Variants in MGA observed in about 807,000 individuals in gnomAD.
MGA encodes MAX gene-associated protein.
A neutral mutation model predicts 261.1 loss-of-function variants in MGA; 40 were observed. The observed-to-expected ratio is 0.15, with a 90% CI of 0.12 to 0.20. The LOEUF is 0.20. Ranked by LOEUF, MGA falls within the 10% of genes least tolerant of loss-of-function variation. MGA has a pLI of 1.00. For synonymous variants in MGA, 1,302 were observed against 1,290.6 expected (o/e 1.01, Z -0.19); for missense variants, 3,397 against 3,630.5 (o/e 0.94, Z 1.65).
Position 41,736,478 on chromosome 15 carries a change from A to G in MGA, c.4214A>G (p.Gln1405Arg), listed in dbSNP as rs756456538. ...ATCTCTATGCCATCATGTCAAGACC[A>G]AGATGATATGGCTGAGAAATCTGGA... The change falls in exon 13 of 24, where the codon CAA (glutamine) becomes CGA (arginine). Residue 1405 changes from glutamine to arginine, a missense_variant. Around this residue, in one of 9 missense-constraint regions of MGA, gnomAD observed 1,410 missense variants for 1,386.4 expected, o/e 1.02. Transcript: ENST00000219905. The G allele has an allele frequency of 3.1e-6, 5 of 1,614,032 alleles. No individual in the cohort carries two copies. Among genetic ancestry groups the G allele is most frequent in the Non-Finnish European group, 4.2e-6 (5 of 1,179,890 alleles).
At chr15:41,662,747 G>GA (rs1427632755) in intron 1 of MGA, among the ~76,000 whole-genome samples, 18 of 152,124 alleles carry the variant, frequency 1.2e-4, no homozygotes, top group Non-Finnish European at 2.5e-4. Context: ...AAATCTGAGT[G>GA]AACCTGTTCT....
chr15:41,731,017 A>G (rs971327766), intron 11 of MGA, among the ~76,000 whole-genome samples: 1 of 152,234 alleles, frequency 6.6e-6, no homozygotes, highest in South Asian at 2.1e-4. Flanking sequence ...AACAAAGGAC[A>G]TCCAACCAAT....
At chr15:41,649,869 C>T (rs537946691) in intron 1 of MGA, among the ~76,000 whole-genome samples, 5 of 152,188 alleles carry the variant, frequency 3.3e-5, no homozygotes, top group Non-Finnish European at 7.4e-5. Flanking sequence ...TTAGTAGAGA[C>T]GGGGTTTCGC....
At chr15:41,741,302 G>C (rs1394238173) in intron 14 of MGA, among the ~76,000 whole-genome samples, 1 of 133,970 alleles carries the variant, frequency 7.5e-6, no homozygotes, top group Non-Finnish European at 1.5e-5. Flanking sequence ...ATCCGAAATC[G>C]TGCCACTGCA....
At chr15:41,683,897 T>G (rs1455494210) in intron 2 of MGA, among the ~76,000 whole-genome samples, 1 of 152,056 alleles carries the variant, frequency 6.6e-6, no homozygotes, top group Non-Finnish European at 1.5e-5. Flanking sequence ...CCAGTTTTGT[T>G]TTTTTTCCCT....
chr15:41,718,287 G>A lies in MGA; in HGVS notation c.3430+4791G>A, dbSNP rs189283118. On this transcript the variant is annotated intron_variant, in intron 9 of 23. Transcript: ENST00000219905. ...TCTTGATATATGTAGTGTATATGTAGTGTGTGTGTGTGTGTATATATATAT... is the reference window on the plus strand; with the variant it reads ...TCTTGATATATGTAGTGTATATGTAATGTGTGTGTGTGTGTATATATATAT... 4.0e-3 allele frequency: 738 copies of A among 185,320 alleles called. 2 individuals are homozygous for A. The highest frequency in any genetic ancestry group is 1.0e-2 in the Middle Eastern group (5 of 502). 11.5% of individuals were successfully genotyped at this position (185,320 alleles called of 1,614,324 possible). A position where few individuals can be genotyped will look rare whatever the true frequency, so the allele number is the denominator to read the frequency against.
rs575761292 is a variant in MGA at position 41,700,974 on chromosome 15, T to C, written c.2188+1815T>C. ...GGTAATACTTGAAGAATTTTTGCTT[T>C]AATGGAAGGCAGCTTGTGTGACAGT... On this transcript the variant is annotated intron_variant, in intron 5 of 23. Coordinates refer to ENST00000219905, the MANE Select transcript of MGA (RefSeq NM_001164273.2). Among the ~76,000 whole-genome samples the C allele has an allele frequency of 5.3e-5, 8 of 152,324 alleles. 1 individual carries two copies. The South Asian group carries it at 1.7e-3, about 32-fold the overall frequency.
At chr15:41,635,645 A>G (rs565036643) in intron 1 of MGA, among the ~76,000 whole-genome samples, 1 of 150,744 alleles carries the variant, frequency 6.6e-6, no homozygotes, top group South Asian at 2.1e-4. Flanking sequence ...GCAGGGAGCC[A>G]TGATCCTGTC....
Position 41,623,780 on chromosome 15 carries a change from T to A in MGA, c.-68+2482T>A, listed in dbSNP as rs1340372532. Among the ~76,000 whole-genome samples the A allele has an allele frequency of 2.9e-3, 149 of 51,390 alleles. 1 individual carries two copies. The highest frequency in any genetic ancestry group is 7.0e-3 in the East Asian group (2 of 286). 33.7% of individuals were successfully genotyped at this position (51,390 alleles called of 152,430 possible). A position where few individuals can be genotyped will look rare whatever the true frequency, so the allele number is the denominator to read the frequency against. Reference sequence around the variant, plus strand: ...TTATTTATATATATATATATATTTTTTTTTTTTTTTTGAGAGGGAGTTTCG... The same window carrying A: ...TTATTTATATATATATATATATTTTATTTTTTTTTTTGAGAGGGAGTTTCG... On this transcript the variant is annotated intron_variant, in intron 1 of 8. Transcript: ENST00000566718.
chr15:41,733,469 A>G (rs528858427), intron 11 of MGA, among the ~76,000 whole-genome samples: 2 of 152,154 alleles, frequency 1.3e-5, no homozygotes, highest in Non-Finnish European at 2.9e-5. Flanking sequence ...TAGTTAGGCT[A>G]CACCTCTTCC....
chr15:41,647,455 T>A (rs1415548986), intron 1 of MGA, among the ~76,000 whole-genome samples: 2 of 152,182 alleles, frequency 1.3e-5, no homozygotes, highest in African/African-American at 4.8e-5. Flanking sequence ...ACTGTGTAGT[T>A]CCTGGAATAC....
intron 2 of MGA, among the ~76,000 whole-genome samples, chr15:41,683,935 A>G (rs564922814): frequency 4.6e-5 from 7 of 151,002 alleles, no homozygotes; most frequent in South Asian, 4.2e-4. Context: ...AATTATTTTT[A>G]TTTTATTTTA....
rs1376875350 is a variant in MGA at position 41,669,444 on chromosome 15, A to G, written c.550A>G (p.Asn184Asp). The change falls in exon 2 of 24, where the codon AAT becomes GAT. Residue 184 changes from asparagine (N) to aspartate (D), a missense_variant. By Grantham distance (23) the Asn-to-Asp change is conservative (BLOSUM62 1). This residue lies in a region of MGA where 104 missense variants were observed against 212.9 expected (regional missense o/e 0.49). Transcript: ENST00000219905. The stretch of plus-strand genomic sequence containing the variant: ...TTTCTATAAACTCAAACTTACCAAC[A>G]ATACACTGGACCAAGAAGGGCATAT... 1 of 1,613,972 alleles carries G rather than the reference A, an allele frequency of 6.2e-7. No individual in the cohort carries two copies. Among genetic ancestry groups the G allele is most frequent in the Non-Finnish European group, 8.5e-7 (1 of 1,179,894 alleles).
intron 2 of MGA, among the ~76,000 whole-genome samples, chr15:41,681,424 A>G (rs1429269771): frequency 8.1e-6 from 1 of 122,798 alleles, no homozygotes; most frequent in Non-Finnish European, 1.7e-5. Context: ...TAATTCTGTT[A>G]GTGTCATTAT....
chr15:41,701,088 T>C (rs1021016587), intron 5 of MGA, among the ~76,000 whole-genome samples: 1 of 152,230 alleles, frequency 6.6e-6, no homozygotes, highest in Non-Finnish European at 1.5e-5. Flanking sequence ...ATCATAGCAA[T>C]CTTGCAGATA....
At chr15:41,711,411 A>C in intron 8 of MGA, 62 bp downstream of exon 8, 1 of 1,475,822 alleles carries the variant, frequency 6.8e-7, no homozygotes, top group African/African-American at 1.4e-5. Flanking sequence ...GAGGTTAGTG[A>C]GGGGAAATGG....
At chr15:41,648,182 A>C (rs1706228988) in intron 1 of MGA, among the ~76,000 whole-genome samples, 1 of 152,252 alleles carries the variant, frequency 6.6e-6, no homozygotes, top group South Asian at 2.1e-4. Context: ...TGCACAAAAT[A>C]GACATGGTTA....
chr15:41,748,114 A>G (rs2062608658), intron 15 of MGA, among the ~76,000 whole-genome samples: 1 of 151,970 alleles, frequency 6.6e-6, no homozygotes, highest in African/African-American at 2.4e-5. Flanking sequence ...ATAATTAGCC[A>G]GGTGTAGTGA....
intron 7 of MGA, among the ~76,000 whole-genome samples, chr15:41,708,862 C>A (rs1271156679): frequency 1.3e-5 from 2 of 152,196 alleles, no homozygotes; most frequent in East Asian, 3.8e-4. Context: ...CTAAACTAAT[C>A]CAAGCATTTT....
Sources: gnomAD v4.1 joint callset for allele counts (sites outside exome capture counted in the v4.1 genomes callset) on GRCh38, gnomAD v4.1.1 for gene constraint, gnomAD v4.1.1 regional missense constraint, MANE v1.5 for transcripts, NCBI Gene and HGNC (gene_info 2026-07-23, HGNC 2026-07-21) for gene names.